The following SGCZ variants were observed in gnomAD, a reference collection of about 807,000 sequenced individuals.
SGCZ encodes the protein zeta-sarcoglycan.
SGCZ carries 40 observed loss-of-function variants against 41.3 expected under a neutral mutation model. The ratio of observed to expected loss-of-function variants is 0.97; its 90% confidence interval spans 0.75 to 1.26. The LOEUF (loss-of-function observed/expected upper bound fraction) is 1.26, where lower values mean the gene tolerates loss of function less well. Ranked by LOEUF, SGCZ falls within the 50% of genes most tolerant of loss-of-function variation. SGCZ has a pLI of 0.00. For synonymous variants in SGCZ, 206 were observed against 137.5 expected (o/e 1.50, Z -3.49); for missense variants, 552 against 369.8 (o/e 1.49, Z -4.04).
At chr8:14,708,847 C>T (rs1809416380) in intron 1 of SGCZ, among the ~76,000 whole-genome samples, 1 of 100,280 alleles carries the variant, frequency 1.0e-5, no homozygotes, top group Non-Finnish European at 2.0e-5. Context: ...GTGTATTCAG[C>T]TTTATAATCC....
chr8:14,850,707 T>C lies in SGCZ; in HGVS notation c.40-295781A>G, dbSNP rs569148120. Among the ~76,000 whole-genome samples the C allele has an allele frequency of 2.6e-5, 4 of 152,296 alleles. No individual in the cohort carries two copies. In the East Asian group the frequency reaches 5.8e-4, roughly 22 times the overall value. ...TGAATTGTAATCCTCATAATCTCCA[T>C]GTGTCAAGGGAGAGACCAGGTGGAG... On this transcript the variant is annotated intron_variant, in intron 1 of 7. Transcript: ENST00000382080.
At position 14,394,401 on chromosome 8, in the gene SGCZ, G is replaced by A. The variant is rs979624610; in HGVS notation, c.235-70197C>T. On this transcript the variant is annotated intron_variant, in intron 2 of 7. Coordinates refer to ENST00000382080, the MANE Select transcript of SGCZ (RefSeq NM_139167.4). ...CCTGACCTCGTGATCCACCCGCCTC[G>A]GCCTTTCAAAGTGCTGGGATTACAG... 1.5e-4 allele frequency among the ~76,000 whole-genome samples: 23 copies of A among 151,936 alleles called. No homozygotes were observed. In the East Asian group the frequency reaches 2.5e-3, roughly 17 times the overall value.
intron 1 of SGCZ, among the ~76,000 whole-genome samples, chr8:14,924,413 C>A (rs552655208): frequency 1.3e-5 from 2 of 152,082 alleles, no homozygotes; most frequent in South Asian, 4.1e-4. Context: ...AATAAGATTT[C>A]AAATGTCAAC....
At chr8:15,128,871 A>C (rs1410855230) in intron 1 of SGCZ, among the ~76,000 whole-genome samples, 2 of 152,188 alleles carry the variant, frequency 1.3e-5, no homozygotes, top group African/African-American at 4.8e-5. Flanking sequence ...ACCTCTGGAG[A>C]ATAAGCTGAT....
At chr8:14,687,830 A>C (rs1182366146) in intron 1 of SGCZ, among the ~76,000 whole-genome samples, 2 of 151,922 alleles carry the variant, frequency 1.3e-5, no homozygotes, top group African/African-American at 2.4e-5. Context: ...AAGTGTTCCT[A>C]TTTCTCCACA....
intron 5 of SGCZ, among the ~76,000 whole-genome samples, chr8:14,125,092 C>T (rs77851342): frequency 0.041 from 6,237 of 152,130 alleles, 388 homozygotes; most frequent in African/African-American, 0.14. Context: ...ACAGGGGATG[C>T]GAAGGACTTC....
intron 1 of SGCZ, among the ~76,000 whole-genome samples, chr8:15,196,556 A>C (rs1563178434): frequency 7.8e-6 from 1 of 127,886 alleles, no homozygotes; most frequent in Non-Finnish European, 1.8e-5. Flanking sequence ...AAGACTTGCC[A>C]AAGTTTTCAT....
At chr8:15,108,464 G>C (rs7828874) in intron 1 of SGCZ, among the ~76,000 whole-genome samples, 23,908 of 152,180 alleles carry the variant, frequency 0.16, 1,952 homozygotes, top group East Asian at 0.27. Context: ...AAATCAAGTG[G>C]ATTTTGAATG....
rs143525200 is a variant in SGCZ at position 14,626,700 on chromosome 8, C to CA, written c.40-71775dup. Among the ~76,000 whole-genome samples the CA allele has an allele frequency of 8.8e-3, 1,344 of 152,082 alleles. 19 individuals are homozygous for CA. The highest frequency in any genetic ancestry group is 0.031 in the African/African-American group (1,272 of 41,514). ...GATTGGAGCTTATGCTACCACAAGC[C>CA]AAAAAATCAGAAAAATTGCTAGCAA... On this transcript the variant is annotated intron_variant, in intron 1 of 7. Transcript: ENST00000382080.
At chr8:14,279,294 G>A (rs929839424) in intron 3 of SGCZ, among the ~76,000 whole-genome samples, 1 of 151,984 alleles carries the variant, frequency 6.6e-6, no homozygotes, top group South Asian at 2.1e-4. Context: ...AATATTAAGT[G>A]ATTTATTGTT....
At chr8:14,503,788 T>A (rs1329444578) in intron 2 of SGCZ, among the ~76,000 whole-genome samples, 3 of 151,952 alleles carry the variant, frequency 2.0e-5, no homozygotes, top group Non-Finnish European at 2.9e-5. Flanking sequence ...TAAAATAAAA[T>A]AACTCAACAG....
At chr8:14,137,020 C>G (rs946548939) in intron 5 of SGCZ, among the ~76,000 whole-genome samples, 1 of 152,148 alleles carries the variant, frequency 6.6e-6, no homozygotes, top group Non-Finnish European at 1.5e-5. Context: ...ACTGGTGATA[C>G]CAAGGCAAAC....
intron 1 of SGCZ, among the ~76,000 whole-genome samples, chr8:14,671,452 C>T (rs1321525667): frequency 6.6e-6 from 1 of 152,042 alleles, no homozygotes; most frequent in African/African-American, 2.4e-5. Flanking sequence ...ATATTCAATG[C>T]TGCCTATTTT....
At chr8:15,223,953 C>G (rs1374226329) in intron 1 of SGCZ, among the ~76,000 whole-genome samples, 1 of 152,068 alleles carries the variant, frequency 6.6e-6, no homozygotes, top group Non-Finnish European at 1.5e-5. Flanking sequence ...CTCCTGGGTC[C>G]AAGTGATTCT....
intron 1 of SGCZ, among the ~76,000 whole-genome samples, chr8:15,014,560 C>A (rs1408104614): frequency 6.6e-6 from 1 of 152,174 alleles, no homozygotes; most frequent in Non-Finnish European, 1.5e-5. Flanking sequence ...TGTTTCTACT[C>A]AAGAAACATG....
intron 1 of SGCZ, among the ~76,000 whole-genome samples, chr8:14,946,675 ATTTT>A (rs5889556): frequency 2.3e-5 from 3 of 132,242 alleles, no homozygotes; most frequent in African/African-American, 8.5e-5. Context: ...AGAAATCTGT[ATTTT>A]TTTTTTTTTT....
chr8:14,254,561 G>A (rs188971741), intron 3 of SGCZ, among the ~76,000 whole-genome samples: 21 of 152,250 alleles, frequency 1.4e-4, no homozygotes, highest in Admixed American at 3.9e-4. Flanking sequence ...AGCTTTTAGT[G>A]TCATATTCCT....
intron 2 of SGCZ, among the ~76,000 whole-genome samples, chr8:14,435,981 C>A (rs746051665): frequency 6.6e-6 from 1 of 152,126 alleles, no homozygotes; most frequent in Non-Finnish European, 1.5e-5. Flanking sequence ...CTCCTAGGAC[C>A]AGCTAGGTAT....
At chr8:14,245,641 C>A (rs1014961613) in intron 3 of SGCZ, among the ~76,000 whole-genome samples, 6 of 151,920 alleles carry the variant, frequency 3.9e-5, no homozygotes, top group African/African-American at 7.2e-5. Flanking sequence ...AAGAAACTAC[C>A]ATCAGCGTGA....
Sources: allele counts gnomAD v4.1 joint callset (sites outside exome capture counted in the v4.1 genomes callset), GRCh38; gene constraint gnomAD v4.1.1; transcripts MANE v1.5; gene names NCBI Gene and HGNC (gene_info 2026-07-23, HGNC 2026-07-21).